The following BTBD8 variants were observed in gnomAD, a reference collection of about 807,000 sequenced individuals.
BTBD8 encodes the protein BTB/POZ domain-containing protein 8.
BTBD8 carries 110 observed loss-of-function variants against 162.9 expected under a neutral mutation model. The ratio of observed to expected loss-of-function variants is 0.68; its 90% CI spans 0.58 to 0.79. BTBD8 has a LOEUF of 0.79. Ranked by LOEUF, BTBD8 falls within the 30% of genes least tolerant of loss-of-function variation. The probability of loss-of-function intolerance (pLI) is 0.00; values close to 1 mark genes in which losing one functional copy is unlikely to be tolerated. For synonymous variants in BTBD8, 667 were observed against 716.1 expected, an observed-to-expected ratio of 0.93 and a Z score of 1.10; for missense variants, 1,905 against 2,085.4, an observed-to-expected ratio of 0.91 and a Z score of 1.68.
chr1:92,111,150 C>G (rs1240178203), intron 4 of BTBD8, among the ~76,000 whole-genome samples: 2 of 151,974 alleles, frequency 1.3e-5, no homozygotes. Flanking sequence ...CACCACCACG[C>G]TTGGCTCATT....
chr1:92,174,269 C>A (rs1466109813), intron 13 of BTBD8, among the ~76,000 whole-genome samples: 1 of 152,144 alleles, frequency 6.6e-6, no homozygotes, highest in Non-Finnish European at 1.5e-5. Context: ...CAACTCACTG[C>A]AGCCCTGACC....
intron 1 of BTBD8, 67 bp downstream of exon 1, chr1:92,080,787 G>A: frequency 6.5e-7 from 1 of 1,542,142 alleles, no homozygotes; most frequent in Non-Finnish European, 8.7e-7. Flanking sequence ...CGAAGCTGAG[G>A]CTTCTTTCGG....
intron 2 of BTBD8, among the ~76,000 whole-genome samples, chr1:92,098,589 T>A (rs569604269): frequency 2.1e-4 from 32 of 151,876 alleles, no homozygotes; most frequent in African/African-American, 6.3e-4. Flanking sequence ...TGTTTTTTTT[T>A]AAAATTATAC....
intron 9 of BTBD8, among the ~76,000 whole-genome samples, chr1:92,165,289 C>G (rs1320728285): frequency 6.6e-6 from 1 of 152,054 alleles, no homozygotes; most frequent in Non-Finnish European, 1.5e-5. Context: ...ATACTAGGCC[C>G]TGAGGATACA....
chr1:92,125,833 A>G, intron 4 of BTBD8: 1 of 407,256 alleles, frequency 2.5e-6, no homozygotes, highest in South Asian at 2.2e-5. Flanking sequence ...CAAGGTGATG[A>G]AGGGGATAAC....
chr1:92,181,287 T>C lies in BTBD8; in HGVS notation c.3604T>C (p.Phe1202Leu), dbSNP rs201295102. ...AGACTCAGATGTATCTTCCAAGTGT[T>C]TTTCGGGACAGCTATCAGAAAAAAA... ...TADSDVSSKC[F>L]SGQLSEKNSP... Residue 1202 changes from phenylalanine to leucine, a missense_variant, in exon 17 of 18, where the codon TTT becomes CTT. By Grantham distance (22) the Phe-to-Leu change is conservative. Around this residue, in one of 3 missense-constraint regions of BTBD8, gnomAD observed 1,374 missense variants for 1,442.7 expected, o/e 0.95. Coordinates refer to ENST00000636805, the MANE Select transcript of BTBD8 (RefSeq NM_001376131.1). The C allele has an allele frequency of 4.4e-5, 69 of 1,551,466 alleles. No homozygotes were observed. The highest frequency in any genetic ancestry group is 5.6e-5 in the Non-Finnish European group (64 of 1,146,984).
In BTBD8 at chr1:92,107,907, T is replaced by C; in HGVS notation, c.568T>C (p.Ser190Pro). The C allele has an allele frequency of 6.2e-7, 1 of 1,613,828 alleles. No homozygotes were observed. The highest frequency in any genetic ancestry group is 8.5e-7 in the Non-Finnish European group (1 of 1,179,914). ...SNDNYDLEPA[S>P]ELGEDLLKLY... ...AGATAATTATGACTTGGAGCCTGCA[T>C]CTGAATTAGGAGAAGATTTATTGAA... Residue 190 changes from serine to proline, a missense_variant, in exon 4 of 18, where the codon TCT becomes CCT. By Grantham distance (74) the Ser-to-Pro change is moderately conservative (BLOSUM62 -1). Around this residue, in one of 3 missense-constraint regions of BTBD8, gnomAD observed 1,374 missense variants for 1,442.7 expected, o/e 0.95. Coordinates refer to ENST00000636805, the MANE Select transcript of BTBD8 (RefSeq NM_001376131.1).
chr1:92,104,573 T>TA (rs1478430605), intron 3 of BTBD8, among the ~76,000 whole-genome samples: 1 of 152,190 alleles, frequency 6.6e-6, no homozygotes, highest in African/African-American at 2.4e-5. Flanking sequence ...GGCAACCCTT[T>TA]AAAATGGCCA....
chr1:92,171,519 ATTATT>A (rs1184475442), intron 13 of BTBD8, 59 bp downstream of exon 13: 1 of 937,860 alleles, frequency 1.1e-6, no homozygotes, highest in Non-Finnish European at 1.5e-6. Context: ...TTTAAAGCTT[ATTATT>A]TTATATTTCA....
chr1:92,091,677 G>C (rs1648308429), intron 2 of BTBD8, among the ~76,000 whole-genome samples: 1 of 152,004 alleles, frequency 6.6e-6, no homozygotes, highest in Admixed American at 6.6e-5. Context: ...TTAACTCCTG[G>C]GCTCAAGTGA....
At chr1:92,141,248 A>C in intron 7 of BTBD8, 37 bp downstream of exon 7, 1 of 1,548,006 alleles carries the variant, frequency 6.5e-7, no homozygotes, top group Non-Finnish European at 8.7e-7. Context: ...TATCCAGTGC[A>C]TTGTCACCCA....
chr1:92,132,583 A>G (rs1199153947), intron 5 of BTBD8, among the ~76,000 whole-genome samples: 1 of 152,198 alleles, frequency 6.6e-6, no homozygotes, highest in Non-Finnish European at 1.5e-5. Flanking sequence ...AGCTTGTTCA[A>G]GGGAAAGCCA....
In BTBD8 at chr1:92,181,168, A is replaced by G. The variant is rs1650889875; in HGVS notation, c.3485A>G (p.Glu1162Gly). Residue 1162 changes from glutamate to glycine, a missense_variant, in exon 17 of 18, where the codon GAA becomes GGA. Glu to Gly is a moderately conservative substitution (Grantham distance 98, BLOSUM62 -2). Transcript: ENST00000636805. ...AATGGTACCTTAAATTCTGCTCAAG[A>G]AGACAAAAAATCGAAAGTTCCTGTG... ...RTNGTLNSAQ[E>G]DKKSKVPVEG... The G allele has an allele frequency of 1.9e-6, 3 of 1,551,660 alleles. No individual in the cohort carries two copies. Among genetic ancestry groups the G allele is most frequent in the Admixed American group, 3.9e-5 (2 of 51,002 alleles).
rs916078513 is a variant in BTBD8, at chr1:92,178,442, A to G, written c.2572A>G (p.Lys858Glu). ...AAAGAGTACCCCATCTAATCTTACT[A>G]AAACTCAAGGTAAAGCTGAAATAGT... ...RTKSTPSNLT[K>E]TQGSQGESPN... The change falls in exon 16 of 18, where the codon AAA becomes GAA. Residue 858 changes from lysine to glutamate, a missense_variant. Lys to Glu is a moderately conservative substitution (Grantham distance 56). Coordinates refer to ENST00000636805, the MANE Select transcript of BTBD8 (RefSeq NM_001376131.1). 24 of 1,548,366 alleles carry G rather than the reference A, an allele frequency of 1.6e-5. No homozygotes were observed. Among genetic ancestry groups the G allele is most frequent in the Non-Finnish European group, 2.1e-5 (24 of 1,145,780 alleles).
chr1:92,174,473 A>G (rs920054427), intron 13 of BTBD8, among the ~76,000 whole-genome samples: 3 of 152,200 alleles, frequency 2.0e-5, no homozygotes, highest in African/African-American at 4.8e-5. Flanking sequence ...GCATACAGCT[A>G]TACCATATAC....
chr1:92,164,174 G>A (rs1650331567), intron 9 of BTBD8, among the ~76,000 whole-genome samples: 1 of 152,134 alleles, frequency 6.6e-6, no homozygotes, highest in Non-Finnish European at 1.5e-5. Context: ...CAAAGCAGTG[G>A]GAGAATATAA....
rs748970181 is a variant in BTBD8, at chr1:92,176,848, ACT to A, written c.1658_1659del (p.Ser553TrpfsTer2). ...TTATAGCAAAGGAAACAAGTTTCTGACTCTGGTGATATAAAAATCAAATCTTG... is the reference window on the plus strand; with the variant it reads ...TTATAGCAAAGGAAACAAGTTTCTGACTGGTGATATAAAAATCAAATCTTG... On this transcript the variant is annotated frameshift_variant, in exon 14 of 18. Coordinates refer to ENST00000636805, the MANE Select transcript of BTBD8 (RefSeq NM_001376131.1). LOFTEE classifies it high-confidence loss of function. 3 of 1,442,718 alleles carry A rather than the reference ACT, an allele frequency of 2.1e-6. No individual in the cohort carries two copies. The highest frequency in any genetic ancestry group is 2.7e-6 in the Non-Finnish European group (3 of 1,093,032). 89.4% of individuals were successfully genotyped at this position (1,442,718 alleles called of 1,614,324 possible).
At chr1:92,112,325 G>A (rs12090217) in intron 4 of BTBD8, among the ~76,000 whole-genome samples, 2 of 152,072 alleles carry the variant, frequency 1.3e-5, no homozygotes, top group East Asian at 3.9e-4. Flanking sequence ...GATCATTTGA[G>A]CCTAGGTGTT....
chr1:92,170,762 C>T (rs1485917665), intron 12 of BTBD8, among the ~76,000 whole-genome samples: 1 of 152,072 alleles, frequency 6.6e-6, no homozygotes, highest in Non-Finnish European at 1.5e-5. Context: ...ATTTTCCTGA[C>T]ATTCAAATTC....
Sources: gnomAD v4.1 joint callset for allele counts (sites outside exome capture counted in the v4.1 genomes callset) on GRCh38, gnomAD v4.1.1 for gene constraint, gnomAD v4.1.1 regional missense constraint, MANE v1.5 for transcripts, NCBI Gene and HGNC (gene_info 2026-07-23, HGNC 2026-07-21) for gene names.